Variants in FBXL7 observed in about 807,000 individuals in gnomAD.
FBXL7 encodes F-box/LRR-repeat protein 7.
A neutral mutation model predicts 38.3 loss-of-function variants in FBXL7; 12 were observed. The observed-to-expected ratio is 0.31, with a 90% confidence interval of 0.20 to 0.51. The LOEUF (loss-of-function observed/expected upper bound fraction) is 0.51, where lower values mean the gene tolerates loss of function less well. Among genes scored for constraint, FBXL7 ranks in the 20% least tolerant of loss-of-function variants. The pLI, the probability that FBXL7 is intolerant of heterozygous loss-of-function variation, is 0.98. For missense variants in FBXL7, 567 were observed against 676.4 expected (o/e 0.84, Z 1.79); for synonymous variants, 297 against 300.9 (o/e 0.99, Z 0.13).
At chr5:15,715,588 T>A (rs537945660) in intron 2 of FBXL7, among the ~76,000 whole-genome samples, 3 of 151,902 alleles carry the variant, frequency 2.0e-5, no homozygotes, top group African/African-American at 7.2e-5. Context: ...GGCCACGTGG[T>A]CTCTGTCACC....
intron 1 of FBXL7, among the ~76,000 whole-genome samples, chr5:15,502,546 G>A (rs933566542): frequency 3.3e-5 from 5 of 152,184 alleles, no homozygotes; most frequent in African/African-American, 4.8e-5. Flanking sequence ...TGATTCAAGA[G>A]GACCAATAGG....
intron 1 of FBXL7, among the ~76,000 whole-genome samples, chr5:15,546,567 CA>C (rs987026867): frequency 1.3e-5 from 2 of 150,084 alleles, no homozygotes; most frequent in Non-Finnish European, 3.0e-5. Flanking sequence ...ACTCTGTCTC[CA>C]AAAAAAACAA....
chr5:15,568,569 G>A (rs1208743472), intron 1 of FBXL7, among the ~76,000 whole-genome samples: 10 of 150,824 alleles, frequency 6.6e-5, no homozygotes, highest in African/African-American at 1.5e-4. Flanking sequence ...AGTTTCTTTT[G>A]CTGTGCAGAA....
intron 2 of FBXL7, among the ~76,000 whole-genome samples, chr5:15,816,557 C>T (rs1738020967): frequency 6.6e-6 from 1 of 152,136 alleles, no homozygotes. Flanking sequence ...ATGTACATGA[C>T]TCCAGTGACA....
chr5:15,503,923 T>C (rs2038209225), intron 1 of FBXL7, among the ~76,000 whole-genome samples: 1 of 152,258 alleles, frequency 6.6e-6, no homozygotes, highest in Non-Finnish European at 1.5e-5. Flanking sequence ...GTAATCTCAT[T>C]ATCTTCTGCT....
At chr5:15,615,502 A>G (rs1278486705) in intron 1 of FBXL7, among the ~76,000 whole-genome samples, 1 of 152,182 alleles carries the variant, frequency 6.6e-6, no homozygotes, top group Non-Finnish European at 1.5e-5. Context: ...TTTGTTTTTG[A>G]AGGAGGACCT....
intron 1 of FBXL7, among the ~76,000 whole-genome samples, chr5:15,563,768 G>A (rs958064063): frequency 6.6e-6 from 1 of 152,028 alleles, no homozygotes. Flanking sequence ...TTCCTTGCTT[G>A]TAGAAAATGC....
intron 2 of FBXL7, among the ~76,000 whole-genome samples, chr5:15,630,014 G>A (rs1366434916): frequency 1.3e-5 from 2 of 152,110 alleles, no homozygotes; most frequent in Non-Finnish European, 2.9e-5. Context: ...GTGTTAAGGG[G>A]ACAAACAACT....
At chr5:15,768,392 G>T (rs374809982) in intron 2 of FBXL7, among the ~76,000 whole-genome samples, 22 of 152,002 alleles carry the variant, frequency 1.4e-4, no homozygotes, top group Non-Finnish European at 2.5e-4. Context: ...TTAGCCTGGC[G>T]TGGTGGCAGG....
intron 2 of FBXL7, among the ~76,000 whole-genome samples, chr5:15,843,964 T>C (rs1400576004): frequency 6.6e-6 from 1 of 151,904 alleles, no homozygotes; most frequent in East Asian, 1.9e-4. Context: ...AAGATTAAGC[T>C]AAAAAGCTTA....
chr5:15,912,289 C>T (rs1741452125), intron 2 of FBXL7, among the ~76,000 whole-genome samples: 1 of 109,690 alleles, frequency 9.1e-6, no homozygotes, highest in Non-Finnish European at 1.8e-5. Context: ...CCCGATTTTC[C>T]AGGTGCGTCC....
intron 2 of FBXL7, among the ~76,000 whole-genome samples, chr5:15,865,283 G>A (rs1261666507): frequency 6.6e-6 from 1 of 152,122 alleles, no homozygotes; most frequent in Non-Finnish European, 1.5e-5. Flanking sequence ...GTTCCCAAAG[G>A]AAAGGTTGCA....
intron 2 of FBXL7, among the ~76,000 whole-genome samples, chr5:15,653,018 CA>C (rs1185612941): frequency 6.6e-6 from 1 of 151,996 alleles, no homozygotes; most frequent in African/African-American, 2.4e-5. Flanking sequence ...TATGTACCCA[CA>C]AAAATTAAAA....
chr5:15,584,519 A>G (rs1230707032), intron 1 of FBXL7, among the ~76,000 whole-genome samples: 2 of 152,186 alleles, frequency 1.3e-5, no homozygotes, highest in Non-Finnish European at 2.9e-5. Flanking sequence ...GTAAACTCTC[A>G]TCTTCATCTG....
chr5:15,569,551 C>G (rs1347750453), intron 1 of FBXL7, among the ~76,000 whole-genome samples: 1 of 151,012 alleles, frequency 6.6e-6, no homozygotes, highest in Admixed American at 6.6e-5. Flanking sequence ...GACAATTTGA[C>G]TTCCTCTTTT....
Position 15,619,333 on chromosome 5 carries a change from C to T in FBXL7, c.127+3261C>T, listed in dbSNP as rs193220741. Among the ~76,000 whole-genome samples, 10 of 152,196 alleles carry T rather than the reference C, an allele frequency of 6.6e-5. No individual in the cohort carries two copies. In the East Asian group the frequency reaches 1.5e-3, roughly 24 times the overall value. On this transcript the variant is annotated intron_variant, in intron 2 of 3. Transcript: ENST00000504595. ...TCAGGAGATTGTCTCTCCCTGGTTGCGGAATTACACTTTTTAGAGAGACAA... is the reference window on the plus strand; with the variant it reads ...TCAGGAGATTGTCTCTCCCTGGTTGTGGAATTACACTTTTTAGAGAGACAA...
chr5:15,635,615 C>T (rs191436366), intron 2 of FBXL7, among the ~76,000 whole-genome samples: 1 of 152,176 alleles, frequency 6.6e-6, no homozygotes, highest in East Asian at 1.9e-4. Flanking sequence ...AGGGGTAGCC[C>T]TAGAGCTGGA....
chr5:15,722,921 C>CAAAAAAAAAAAAAA (rs752341974), intron 2 of FBXL7, among the ~76,000 whole-genome samples: 1 of 60,586 alleles, frequency 1.7e-5, no homozygotes, highest in Non-Finnish European at 3.8e-5. Context: ...GACTCCGTCT[C>CAAAAAAAAAAAAAA]AAAAAAAACA....
At chr5:15,703,186 G>T (rs1157650587) in intron 2 of FBXL7, among the ~76,000 whole-genome samples, 11 of 152,166 alleles carry the variant, frequency 7.2e-5, no homozygotes, top group Admixed American at 6.5e-4. Flanking sequence ...GCTAAATTTG[G>T]AGTAAATACT....
Sources: allele counts gnomAD v4.1 joint callset (sites outside exome capture counted in the v4.1 genomes callset), GRCh38; gene constraint gnomAD v4.1.1; transcripts MANE v1.5; gene names NCBI Gene and HGNC (gene_info 2026-07-23, HGNC 2026-07-21).